Variants in ZMAT4 observed in about 807,000 individuals in gnomAD.
ZMAT4 encodes the protein zinc finger matrin-type 4, also known as zinc finger matrin-type protein 4.
Under a neutral mutation model 28.7 loss-of-function variants are expected in ZMAT4, and 17 were observed. The observed-to-expected ratio is 0.59, with a 90% CI of 0.41 to 0.89. ZMAT4 has a LOEUF of 0.89. ZMAT4 is among the 40% of genes least tolerant of loss of function. ZMAT4 has a pLI of 0.00. For missense variants in ZMAT4, 240 were observed against 283.8 expected (o/e 0.85, Z 1.11); for synonymous variants, 117 against 109.2 (o/e 1.07, Z -0.44).
intron 2 of ZMAT4, among the ~76,000 whole-genome samples, chr8:40,823,229 T>C (rs1291946021): frequency 6.6e-6 from 1 of 151,964 alleles, no homozygotes. Context: ...GTTTCTGTCC[T>C]CATGAATCTA....
rs547211426 is a variant in ZMAT4 at position 40,786,137 on chromosome 8, GT to G, written c.103-18408del. Among the ~76,000 whole-genome samples the G allele has an allele frequency of 9.3e-4, 141 of 152,208 alleles. 3 individuals are homozygous for G. Among genetic ancestry groups the G allele is most frequent in the African/African-American group, 3.0e-3 (126 of 41,530 alleles). ...ATTTGTGCCTTAAACACAACCATCT[GT>G]TCTCTTCTGCACAGCCCTTTCTTCT... On this transcript the variant is annotated intron_variant, in intron 2 of 6. Coordinates refer to ENST00000297737, the MANE Select transcript of ZMAT4 (RefSeq NM_024645.3).
intron 3 of ZMAT4, among the ~76,000 whole-genome samples, chr8:40,706,298 C>T (rs917520096): frequency 6.6e-6 from 1 of 152,176 alleles, no homozygotes; most frequent in African/African-American, 2.4e-5. Context: ...CCGTGATCCA[C>T]CCACCTCAGC....
At chr8:40,860,857 G>T (rs1817463759) in intron 1 of ZMAT4, among the ~76,000 whole-genome samples, 2 of 152,186 alleles carry the variant, frequency 1.3e-5, no homozygotes, top group African/African-American at 2.4e-5. Context: ...CTGACCAGGG[G>T]AAGCACCTGG....
chr8:40,729,222 A>G (rs1714415637), intron 3 of ZMAT4, among the ~76,000 whole-genome samples: 1 of 152,202 alleles, frequency 6.6e-6, no homozygotes, highest in South Asian at 2.1e-4. Context: ...AGTAGGGAAG[A>G]CACTTGTCAG....
chr8:40,734,138 C>T (rs954670816), intron 3 of ZMAT4, among the ~76,000 whole-genome samples: 6 of 152,154 alleles, frequency 3.9e-5, no homozygotes, highest in Non-Finnish European at 7.3e-5. Flanking sequence ...ACAAGGAATG[C>T]GCTGGACATG....
At position 40,639,436 on chromosome 8, in the gene ZMAT4, G is replaced by C. The variant is rs560475971; in HGVS notation, c.577+35268C>G. Among the ~76,000 whole-genome samples, 7 of 152,180 alleles carry C rather than the reference G, an allele frequency of 4.6e-5. No individual in the cohort carries two copies. In the South Asian group the frequency reaches 1.5e-3, roughly 32 times the overall value. On this transcript the variant is annotated intron_variant, in intron 5 of 6. Coordinates refer to ENST00000297737, the MANE Select transcript of ZMAT4 (RefSeq NM_024645.3). ...ACCTAGCGCTCCAGCCTAGTGGAGA[G>C]TCTTGAGCTTTGGAATTACTACGAC...
At chr8:40,689,982 C>T (rs1809588935) in intron 4 of ZMAT4, among the ~76,000 whole-genome samples, 1 of 152,082 alleles carries the variant, frequency 6.6e-6, no homozygotes, top group Admixed American at 6.6e-5. Flanking sequence ...AGGCAGTAGG[C>T]TCCTTGTTAA....
At chr8:40,835,937 G>C (rs183879090) in intron 1 of ZMAT4, among the ~76,000 whole-genome samples, 167 of 152,232 alleles carry the variant, frequency 1.1e-3, no homozygotes, top group African/African-American at 3.9e-3. Context: ...TGAAAATGTA[G>C]AGTCCATGTA....
At chr8:40,790,805 G>T (rs1222929025) in intron 2 of ZMAT4, among the ~76,000 whole-genome samples, 1 of 152,140 alleles carries the variant, frequency 6.6e-6, no homozygotes, top group Non-Finnish European at 1.5e-5. Flanking sequence ...ATTTGAACAT[G>T]CAAAGCACTT....
intron 5 of ZMAT4, among the ~76,000 whole-genome samples, chr8:40,589,971 C>CCCTTCCTTCCTTCCTT (rs1217316034): frequency 1.4e-3 from 40 of 28,802 alleles, no homozygotes; most frequent in African/African-American, 5.4e-3. Context: ...TTCCCTCCCT[C>CCCTTCCTTCCTTCCTT]CCTTCCTTCC....
intron 1 of ZMAT4, among the ~76,000 whole-genome samples, chr8:40,887,703 A>G (rs745776900): frequency 5.9e-5 from 9 of 152,122 alleles, no homozygotes; most frequent in Non-Finnish European, 1.3e-4. Flanking sequence ...CAAAACCCAG[A>G]GACACGGCAG....
chr8:40,660,630 G>C (rs1808145415), intron 5 of ZMAT4, among the ~76,000 whole-genome samples: 1 of 152,128 alleles, frequency 6.6e-6, no homozygotes, highest in Non-Finnish European at 1.5e-5. Context: ...TAGCAGTTTT[G>C]GTCCTGGGTA....
chr8:40,579,812 T>C (rs1031510905), intron 6 of ZMAT4, among the ~76,000 whole-genome samples: 3 of 152,062 alleles, frequency 2.0e-5, no homozygotes, highest in African/African-American at 7.2e-5. Flanking sequence ...AAGGATATTG[T>C]GTTGAGCAAA....
chr8:40,649,494 C>T (rs1229311332), intron 5 of ZMAT4, among the ~76,000 whole-genome samples: 1 of 152,208 alleles, frequency 6.6e-6, no homozygotes, highest in Non-Finnish European at 1.5e-5. Flanking sequence ...TAACACCCCA[C>T]TGTCAACATT....
chr8:40,569,956 T>C (rs576128618), intron 6 of ZMAT4, among the ~76,000 whole-genome samples: 2 of 152,330 alleles, frequency 1.3e-5, no homozygotes, highest in African/African-American at 4.8e-5. Flanking sequence ...ATTGTTGGAA[T>C]TGATTGGAAC....
intron 1 of ZMAT4, among the ~76,000 whole-genome samples, chr8:40,886,975 A>G (rs13266477): frequency 7.2e-5 from 11 of 151,870 alleles, no homozygotes; most frequent in African/African-American, 2.7e-4. Flanking sequence ...ATCGAGACCA[A>G]CCTGGCTAAC....
chr8:40,620,076 T>C (rs937643488), intron 5 of ZMAT4, among the ~76,000 whole-genome samples: 5 of 152,106 alleles, frequency 3.3e-5, no homozygotes, highest in African/African-American at 9.7e-5. Context: ...ACATGAAAAA[T>C]AAATCTAGAT....
chr8:40,626,003 G>C (rs544724218), intron 5 of ZMAT4, among the ~76,000 whole-genome samples: 3 of 151,816 alleles, frequency 2.0e-5, no homozygotes. Flanking sequence ...CCAGCTACTC[G>C]GGAGGCTGAG....
At chr8:40,798,033 C>A (rs577542694) in intron 2 of ZMAT4, among the ~76,000 whole-genome samples, 19 of 152,194 alleles carry the variant, frequency 1.2e-4, no homozygotes, top group Non-Finnish European at 2.4e-4. Flanking sequence ...ACTGCTCCAC[C>A]AGGCACAGCC....
Sources: gnomAD v4.1 joint callset for allele counts (sites outside exome capture counted in the v4.1 genomes callset) on GRCh38, gnomAD v4.1.1 for gene constraint, MANE v1.5 for transcripts, NCBI Gene and HGNC (gene_info 2026-07-23, HGNC 2026-07-21) for gene names.